CTNND2: variants seen among roughly 807,000 people sequenced by gnomAD.
CTNND2 encodes the protein catenin delta-2.
Under a neutral mutation model 144.4 loss-of-function variants are expected in CTNND2, and 22 were observed. The observed-to-expected ratio is 0.15, with a 90% CI of 0.11 to 0.22. The LOEUF is 0.22. CTNND2 is among the 10% of genes least tolerant of loss of function. CTNND2 has a pLI of 1.00. For missense variants in CTNND2, 1,353 were observed against 1,618.8 expected (o/e 0.84, Z 2.82); for synonymous variants, 751 against 695.6 (o/e 1.08, Z -1.25).
At chr5:11,229,699 C>CAT (rs1226324600) in intron 10 of CTNND2, among the ~76,000 whole-genome samples, 1 of 149,818 alleles carries the variant, frequency 6.7e-6, no homozygotes, top group East Asian at 2.0e-4. Context: ...TATATATACA[C>CAT]ATATATATAC....
chr5:11,375,929 G>A (rs73042267), intron 7 of CTNND2, among the ~76,000 whole-genome samples: 2,726 of 152,192 alleles, frequency 0.018, 86 homozygotes, highest in African/African-American at 0.063. Context: ...CTCGCCCCCC[G>A]ATTATGTTGA....
rs910057714 is a variant in CTNND2 at position 10,992,557 on chromosome 5, G to A, written c.3205C>T (p.Arg1069Cys). ...AGCCACGGCAGCCTCTTACCTGAGC[G>A]GTTGTTGGGAGACACGCGCACAGGG... ...ISPVRVSPNN[R>C]SASAPASPRE... The change falls in exon 19 of 22, where the codon CGC becomes TGC. Residue 1069 changes from arginine to cysteine, a missense_variant. Physicochemically the swap from Arg to Cys is radical, Grantham distance 180 (BLOSUM62 -3). This residue lies in a region of CTNND2 where 459 missense variants were observed against 674.3 expected (regional missense o/e 0.68). Transcript: ENST00000304623. The A allele has an allele frequency of 2.2e-5, 35 of 1,613,944 alleles. No individual in the cohort carries two copies. The highest frequency in any genetic ancestry group is 2.7e-5 in the African/African-American group (2 of 74,936).
At chr5:11,439,857 G>A (rs2149890559) in intron 3 of CTNND2, among the ~76,000 whole-genome samples, 1 of 149,770 alleles carries the variant, frequency 6.7e-6, no homozygotes, top group Non-Finnish European at 1.5e-5. Context: ...TTTTTTTAGA[G>A]ACAGGGTCTT....
chr5:11,429,238 C>T (rs1245923802), intron 3 of CTNND2, among the ~76,000 whole-genome samples: 3 of 152,218 alleles, frequency 2.0e-5, no homozygotes, highest in Non-Finnish European at 4.4e-5. Context: ...AAACTAATTT[C>T]CTTCTCCCTA....
intron 9 of CTNND2, among the ~76,000 whole-genome samples, chr5:11,308,808 C>A (rs927793742): frequency 1.3e-5 from 2 of 152,118 alleles, no homozygotes; most frequent in East Asian, 3.9e-4. Flanking sequence ...TAAAGAACTA[C>A]CTGAGACTGG....
chr5:11,145,473 T>C (rs1299721381), intron 12 of CTNND2, among the ~76,000 whole-genome samples: 1 of 152,114 alleles, frequency 6.6e-6, no homozygotes, highest in Non-Finnish European at 1.5e-5. Flanking sequence ...TGAGGATGCC[T>C]GCTCCTCTGA....
At chr5:11,589,819 T>C (rs915781239) in intron 2 of CTNND2, among the ~76,000 whole-genome samples, 4 of 152,192 alleles carry the variant, frequency 2.6e-5, no homozygotes, top group Non-Finnish European at 5.9e-5. Flanking sequence ...ACAAGTTATT[T>C]AAAACAGAGG....
intron 3 of CTNND2, among the ~76,000 whole-genome samples, chr5:11,442,065 T>C (rs1320882863): frequency 1.3e-5 from 2 of 152,166 alleles, no homozygotes; most frequent in African/African-American, 4.8e-5. Context: ...ACGAAATACA[T>C]ATTTATAGAA....
At chr5:11,179,348 A>T (rs756522532) in intron 11 of CTNND2, among the ~76,000 whole-genome samples, 3 of 152,090 alleles carry the variant, frequency 2.0e-5, no homozygotes, top group Non-Finnish European at 2.9e-5. Flanking sequence ...ACAAAAAACA[A>T]AAAAACATAA....
chr5:11,813,477 C>T (rs1307919388), intron 1 of CTNND2, among the ~76,000 whole-genome samples: 1 of 152,106 alleles, frequency 6.6e-6, no homozygotes, highest in Non-Finnish European at 1.5e-5. Flanking sequence ...ATAACAACTT[C>T]CCCCAACACT....
At chr5:11,553,897 T>C (rs1775990891) in intron 3 of CTNND2, among the ~76,000 whole-genome samples, 1 of 152,110 alleles carries the variant, frequency 6.6e-6, no homozygotes, top group South Asian at 2.1e-4. Flanking sequence ...ATTAGCTTTT[T>C]GAAGTAAGAT....
At chr5:11,492,840 G>T (rs1427004790) in intron 3 of CTNND2, among the ~76,000 whole-genome samples, 1 of 152,014 alleles carries the variant, frequency 6.6e-6, no homozygotes, top group South Asian at 2.1e-4. Context: ...GGATGCTGAG[G>T]GGGGCAGATC....
rs755148792 is a variant in CTNND2, at chr5:11,903,886, G to C, written c.-33C>G. 3.7e-4 allele frequency: 527 copies of C among 1,431,322 alleles called. No homozygotes were observed. Among genetic ancestry groups the C allele is most frequent in the Middle Eastern group, 2.7e-3 (15 of 5,490 alleles). 88.7% of individuals were successfully genotyped at this position (1,431,322 alleles called of 1,614,324 possible). A position where few individuals can be genotyped will look rare whatever the true frequency, so the allele number is the denominator to read the frequency against. ...CCGCCGGCGACAGCTCCTCAGTCCG[G>C]GAAGAGGCGTGCGCGGCGCCGCCCG... is the stretch of plus-strand genomic sequence containing the variant. On this transcript the variant is annotated 5_prime_UTR_variant, in exon 1 of 22. Coordinates refer to ENST00000304623, the MANE Select transcript of CTNND2 (RefSeq NM_001332.4). This position sits in a 1 kb window ranked among gnomAD's most constrained non-coding sequence, Gnocchi z 5.4.
intron 11 of CTNND2, among the ~76,000 whole-genome samples, chr5:11,174,262 G>A (rs767925774): frequency 2.6e-5 from 4 of 152,170 alleles, no homozygotes; most frequent in Non-Finnish European, 5.9e-5. Flanking sequence ...TAGAAATGTA[G>A]AGCCTTCAGC....
intron 3 of CTNND2, among the ~76,000 whole-genome samples, chr5:11,468,438 T>G (rs187511678): frequency 1.3e-5 from 2 of 152,238 alleles, no homozygotes; most frequent in African/African-American, 4.8e-5. Context: ...GCAAACTTAC[T>G]CAGGATAAAA....
At chr5:11,155,555 G>C (rs1000403656) in intron 12 of CTNND2, among the ~76,000 whole-genome samples, 1 of 152,124 alleles carries the variant, frequency 6.6e-6, no homozygotes, top group Non-Finnish European at 1.5e-5. Context: ...GATTAGGGGT[G>C]GTGGGGAAGA....
chr5:11,863,995 G>A (rs1042129744), intron 1 of CTNND2, among the ~76,000 whole-genome samples: 3 of 152,006 alleles, frequency 2.0e-5, no homozygotes, highest in African/African-American at 7.2e-5. Context: ...TTAGCAGTTC[G>A]GGCCTGCTCT....
chr5:11,245,741 T>A (rs1337195529), intron 9 of CTNND2, among the ~76,000 whole-genome samples: 1 of 152,134 alleles, frequency 6.6e-6, no homozygotes, highest in Non-Finnish European at 1.5e-5. Flanking sequence ...GCAGCAGGAA[T>A]CTAACACAGA....
intron 9 of CTNND2, among the ~76,000 whole-genome samples, chr5:11,302,311 G>A (rs1288181395): frequency 1.3e-5 from 2 of 152,088 alleles, no homozygotes. Context: ...GACAGGGAGA[G>A]ATCCAGGGAA....
Sources: allele counts gnomAD v4.1 joint callset (sites outside exome capture counted in the v4.1 genomes callset), GRCh38; gene constraint gnomAD v4.1.1; regional missense constraint gnomAD v4.1.1; non-coding constraint Gnocchi (gnomAD v3.1); transcripts MANE v1.5; gene names NCBI Gene and HGNC (gene_info 2026-07-23, HGNC 2026-07-21).